Variants in SGCZ observed in about 807,000 individuals in gnomAD.
The protein encoded by SGCZ is zeta-sarcoglycan.
In SGCZ, 40 loss-of-function variants were observed where a neutral mutation model predicts 41.3. The ratio of observed to expected loss-of-function variants is 0.97; its 90% CI spans 0.75 to 1.26. The LOEUF is 1.26. SGCZ is among the 50% of genes most tolerant of loss of function. The probability of loss-of-function intolerance (pLI) is 0.00; values close to 1 mark genes in which losing one functional copy is unlikely to be tolerated. For synonymous variants in SGCZ, 206 were observed against 137.5 expected (o/e 1.50, Z -3.49); for missense variants, 552 against 369.8 (o/e 1.49, Z -4.04).
At position 14,385,316 on chromosome 8, in the gene SGCZ, G is replaced by C. The variant is rs1351832962; in HGVS notation, c.235-61112C>G. On this transcript the variant is annotated intron_variant, in intron 2 of 7. Transcript: ENST00000382080. ...CAATTTCTAGTTGTAAGTTAACTAA[G>C]AAGCCCCTTTTGAGGAATATGCAAG... Among the ~76,000 whole-genome samples, 4 of 152,154 alleles carry C rather than the reference G, an allele frequency of 2.6e-5. No homozygotes were observed. The South Asian group carries it at 8.3e-4, about 32-fold the overall frequency.
intron 3 of SGCZ, among the ~76,000 whole-genome samples, chr8:14,278,480 AG>A (rs1800309799): frequency 6.6e-6 from 1 of 152,198 alleles, no homozygotes; most frequent in Admixed American, 6.5e-5. Flanking sequence ...TATGCAGAGA[AG>A]CCATGTTGTG....
At chr8:14,505,121 C>T (rs1279973986) in intron 2 of SGCZ, among the ~76,000 whole-genome samples, 1 of 152,024 alleles carries the variant, frequency 6.6e-6, no homozygotes, top group African/African-American at 2.4e-5. Context: ...CACACTCCAG[C>T]CTGGGTGTTA....
In SGCZ at chr8:14,259,786, C is replaced by T. The variant is rs1353157450; in HGVS notation, c.337-22107G>A. ...TTCTTTTGGCTTAGGATTGACTTGGCGATGCGGGCTCTTTTTTGGTTCCAT... is the reference window on the plus strand; with the variant it reads ...TTCTTTTGGCTTAGGATTGACTTGGTGATGCGGGCTCTTTTTTGGTTCCAT... On this transcript the variant is annotated intron_variant, in intron 3 of 7. Coordinates refer to ENST00000382080, the MANE Select transcript of SGCZ (RefSeq NM_139167.4). 2.9e-4 allele frequency among the ~76,000 whole-genome samples: 43 copies of T among 150,400 alleles called. No homozygotes were observed. The East Asian group carries it at 6.4e-3, about 22-fold the overall frequency.
chr8:14,115,252 G>C (rs1208501522), intron 5 of SGCZ, among the ~76,000 whole-genome samples: 1 of 151,978 alleles, frequency 6.6e-6, no homozygotes, highest in Non-Finnish European at 1.5e-5. Flanking sequence ...TCCTGAGTGA[G>C]AAAGCATAAT....
At chr8:14,940,328 A>G (rs1274367958) in intron 1 of SGCZ, among the ~76,000 whole-genome samples, 1 of 152,168 alleles carries the variant, frequency 6.6e-6, no homozygotes, top group Non-Finnish European at 1.5e-5. Context: ...TGCATTATGC[A>G]TCATAAAATA....
chr8:14,552,770 A>G (rs1803911457), intron 2 of SGCZ, among the ~76,000 whole-genome samples: 1 of 152,014 alleles, frequency 6.6e-6, no homozygotes, highest in African/African-American at 2.4e-5. Context: ...TGGGAGTCTG[A>G]TGCATGTAGC....
chr8:14,771,688 T>G (rs1173269970), intron 1 of SGCZ, among the ~76,000 whole-genome samples: 1 of 152,054 alleles, frequency 6.6e-6, no homozygotes, highest in Non-Finnish European at 1.5e-5. Context: ...CAAATACATT[T>G]GGGAAGCAGT....
At chr8:14,117,359 T>G (rs116123395) in intron 5 of SGCZ, among the ~76,000 whole-genome samples, 79,045 of 122,630 alleles carry the variant, frequency 0.64, 23,021 homozygotes, top group East Asian at 0.86. Context: ...AGGTAGTGTT[T>G]TTTTTTTTTT....
chr8:15,020,609 T>C (rs1044247308), intron 1 of SGCZ, among the ~76,000 whole-genome samples: 1 of 152,188 alleles, frequency 6.6e-6, no homozygotes, highest in African/African-American at 2.4e-5. Context: ...ACAATTCTAT[T>C]ATAGTGCAGG....
rs183633658 is a variant in SGCZ, at chr8:14,850,589, C to T, written c.40-295663G>A. Among the ~76,000 whole-genome samples the T allele has an allele frequency of 4.1e-3, 631 of 152,220 alleles. 4 individuals are homozygous for T. The highest frequency in any genetic ancestry group is 0.018 in the South Asian group (86 of 4,826). On this transcript the variant is annotated intron_variant, in intron 1 of 7. Coordinates refer to ENST00000382080, the MANE Select transcript of SGCZ (RefSeq NM_139167.4). ...ATGGAGCTACTTCATAGAATAGGAA[C>T]TAAAATAACTAAGTGAAAAAGGAAA...
At chr8:14,342,557 C>T (rs1802747615) in intron 2 of SGCZ, among the ~76,000 whole-genome samples, 1 of 152,116 alleles carries the variant, frequency 6.6e-6, no homozygotes, top group Non-Finnish European at 1.5e-5. Context: ...ACTGGTGATC[C>T]ACCTGCCTTA....
chr8:15,035,878 A>G (rs1803857292), intron 1 of SGCZ, among the ~76,000 whole-genome samples: 1 of 152,164 alleles, frequency 6.6e-6, no homozygotes, highest in African/African-American at 2.4e-5. Flanking sequence ...ACTGTAACAC[A>G]TTAACAGCAT....
intron 3 of SGCZ, among the ~76,000 whole-genome samples, chr8:14,277,850 C>G (rs901615279): frequency 6.6e-6 from 1 of 151,948 alleles, no homozygotes; most frequent in Admixed American, 6.6e-5. Context: ...TAAAATCCCC[C>G]CTTTAGGAAT....
intron 2 of SGCZ, among the ~76,000 whole-genome samples, chr8:14,541,636 G>A (rs911697058): frequency 6.6e-6 from 1 of 151,928 alleles, no homozygotes; most frequent in South Asian, 2.1e-4. Flanking sequence ...TAATCCTTTG[G>A]GTATATGCCC....
At chr8:14,900,993 A>G (rs1338986476) in intron 1 of SGCZ, among the ~76,000 whole-genome samples, 1 of 152,170 alleles carries the variant, frequency 6.6e-6, no homozygotes, top group Non-Finnish European at 1.5e-5. Context: ...TCAGGCTTTG[A>G]GGTTTGATAA....
chr8:14,470,778 A>G (rs1345493838), intron 2 of SGCZ, among the ~76,000 whole-genome samples: 4 of 152,166 alleles, frequency 2.6e-5, no homozygotes, highest in African/African-American at 9.6e-5. Flanking sequence ...AAAGACCTCA[A>G]AAGAAAGTCA....
At chr8:14,542,466 C>A (rs1211467414) in intron 2 of SGCZ, among the ~76,000 whole-genome samples, 1 of 151,994 alleles carries the variant, frequency 6.6e-6, no homozygotes, top group Non-Finnish European at 1.5e-5. Context: ...AAAAGGAAAC[C>A]TTACAGAGAC....
intron 1 of SGCZ, among the ~76,000 whole-genome samples, chr8:14,742,328 C>T (rs1385124011): frequency 6.6e-6 from 1 of 152,034 alleles, no homozygotes; most frequent in Non-Finnish European, 1.5e-5. Flanking sequence ...CACACACACA[C>T]CTCAGCAACT....
intron 2 of SGCZ, among the ~76,000 whole-genome samples, chr8:14,493,123 C>T (rs940517960): frequency 3.9e-5 from 6 of 151,910 alleles, no homozygotes; most frequent in African/African-American, 4.8e-5. Context: ...TTGTAAATTG[C>T]TCTGTTTAAA....
Sources: gnomAD v4.1 joint callset for allele counts (sites outside exome capture counted in the v4.1 genomes callset) on GRCh38, gnomAD v4.1.1 for gene constraint, MANE v1.5 for transcripts, NCBI Gene and HGNC (gene_info 2026-07-23, HGNC 2026-07-21) for gene names.